The following SEC23IP variants were observed in gnomAD, a reference collection of about 807,000 sequenced individuals.
SEC23IP encodes SEC23 interacting protein.
SEC23IP carries 70 observed loss-of-function variants against 113.4 expected under a neutral mutation model. The ratio of observed to expected loss-of-function variants is 0.62; its 90% CI spans 0.51 to 0.75. SEC23IP has a LOEUF of 0.75. SEC23IP is among the 30% of genes least tolerant of loss of function. The pLI, the probability that SEC23IP is intolerant of heterozygous loss-of-function variation, is 0.00. For synonymous variants in SEC23IP, 398 were observed against 421.0 expected, an observed-to-expected ratio of 0.95 and a Z score of 0.67; for missense variants, 1,160 against 1,204.9, an observed-to-expected ratio of 0.96 and a Z score of 0.55.
At position 119,902,936 on chromosome 10, in the gene SEC23IP, G is replaced by C; in HGVS notation, c.834G>C (p.Glu278Asp). 2 of 1,614,178 alleles carry C rather than the reference G, an allele frequency of 1.2e-6. No homozygotes were observed. Among genetic ancestry groups the C allele is most frequent in the Non-Finnish European group, 1.7e-6 (2 of 1,180,030 alleles). Residue 278 changes from glutamate (E) to aspartate (D), a missense_variant, in exon 3 of 19, where the codon GAG (glutamate) becomes GAC (aspartate). Coordinates refer to ENST00000369075, the MANE Select transcript of SEC23IP (RefSeq NM_007190.4). ...PVQPHWFYCK[E>D]VEYKQLWMPF... Reference sequence around the variant, plus strand: ...AGCCCCACTGGTTTTACTGCAAGGAGGTAGAATACAAACAACTGTGGATGC... The same window carrying C: ...AGCCCCACTGGTTTTACTGCAAGGACGTAGAATACAAACAACTGTGGATGC...
chr10:119,918,493 A>G lies in SEC23IP; in HGVS notation c.1854A>G (p.Leu618=), dbSNP rs1371238410. Residue 618 remains leucine (L), a synonymous_variant, in exon 10 of 19, where the codon CTA becomes CTG. Transcript: ENST00000369075. ...TTGCTAATGGAGTTGTGAAGCAGCT[A>G]CATTTTCAGGAAAAGCAGGTACGTC... The part of the protein sequence containing the change: ...LAVANGVVKQ[L]HFQEKQMPEE... 1.9e-6 allele frequency: 3 copies of G among 1,610,254 alleles called. No homozygotes were observed. The highest frequency in any genetic ancestry group is 2.6e-6 in the Non-Finnish European group (3 of 1,176,448).
At chr10:119,919,813 A>G (rs989004277) in intron 11 of SEC23IP, among the ~76,000 whole-genome samples, 2 of 152,338 alleles carry the variant, frequency 1.3e-5, no homozygotes, top group African/African-American at 2.4e-5. Context: ...AAAAAATTGT[A>G]TAACAGTAGA....
chr10:119,894,088 C>T (rs540040295), intron 1 of SEC23IP, among the ~76,000 whole-genome samples: 1 of 152,308 alleles, frequency 6.6e-6, no homozygotes, highest in South Asian at 2.1e-4. Flanking sequence ...GTATGTGTAG[C>T]CTCACAGAAT....
At chr10:119,902,154 C>T (rs112551583) in intron 2 of SEC23IP, among the ~76,000 whole-genome samples, 1,651 of 152,166 alleles carry the variant, frequency 0.011, 29 homozygotes, top group African/African-American at 0.034. Flanking sequence ...GTTGGGAGTT[C>T]GCAACCAGCC....
chr10:119,923,277 C>T (rs1039975893), intron 12 of SEC23IP, among the ~76,000 whole-genome samples: 1 of 151,864 alleles, frequency 6.6e-6, no homozygotes, highest in Non-Finnish European at 1.5e-5. Flanking sequence ...GAAACTTTCT[C>T]AGCTGAGTTG....
chr10:119,936,772 T>C (rs1855801438), intron 18 of SEC23IP, among the ~76,000 whole-genome samples: 1 of 152,060 alleles, frequency 6.6e-6, no homozygotes, highest in East Asian at 1.9e-4. Flanking sequence ...GAAGTTGAGC[T>C]CTTTGGGTGT....
In SEC23IP at chr10:119,920,874, T is replaced by C; in HGVS notation, c.2026-15T>C. 1.3e-6 allele frequency: 2 copies of C among 1,541,484 alleles called. No homozygotes were observed. Among genetic ancestry groups the C allele is most frequent in the Middle Eastern group, 1.7e-4 (1 of 5,900 alleles). ...CACTAGATTGATTAATGTGCTTGTC[T>C]GTTTCCTTTTAAAGCTTATGTGTAC... On this transcript the variant is annotated splice_polypyrimidine_tract_variant and intron_variant, in intron 11 of 18. Coordinates refer to ENST00000369075, the MANE Select transcript of SEC23IP (RefSeq NM_007190.4).
intron 7 of SEC23IP, 83 bp downstream of exon 7, chr10:119,914,902 C>T: frequency 7.7e-7 from 1 of 1,296,806 alleles, no homozygotes. Context: ...TAGGATAGTT[C>T]CCAGCTGTGT....
intron 12 of SEC23IP, 70 bp from the exon 13 acceptor site, chr10:119,925,966 T>C (rs1232248871): frequency 1.6e-6 from 2 of 1,252,904 alleles, no homozygotes; most frequent in Non-Finnish European, 2.2e-6. Context: ...TGAGATAGCA[T>C]GTTTTGTAAT....
intron 6 of SEC23IP, among the ~76,000 whole-genome samples, chr10:119,912,413 G>C (rs1285588748): frequency 1.3e-5 from 2 of 152,058 alleles, no homozygotes; most frequent in Non-Finnish European, 2.9e-5. Context: ...AATTACAGGC[G>C]TGAGCCACTG....
chr10:119,911,034 AT>A (rs1854843801), intron 5 of SEC23IP, among the ~76,000 whole-genome samples: 1 of 145,832 alleles, frequency 6.9e-6, no homozygotes, highest in Admixed American at 6.8e-5. Flanking sequence ...TCAAGTATAT[AT>A]TCTTTTTTTT....
At chr10:119,923,221 G>A (rs1464210091) in intron 12 of SEC23IP, among the ~76,000 whole-genome samples, 3 of 152,002 alleles carry the variant, frequency 2.0e-5, no homozygotes, top group Non-Finnish European at 4.4e-5. Flanking sequence ...TCTATAGAGT[G>A]ATCTTATTTT....
rs1855534182 is a variant in SEC23IP at position 119,929,774 on chromosome 10, A to C, written c.2469+12A>C. On this transcript the variant is annotated intron_variant, in intron 14 of 18. Coordinates refer to ENST00000369075, the MANE Select transcript of SEC23IP (RefSeq NM_007190.4). ...ATATTTATCATCCGGTGAGTAATTG[A>C]ATTTACTTTGTTTTTTAAAATCCTT... The C allele has an allele frequency of 9.0e-6, 14 of 1,548,134 alleles. No individual in the cohort carries two copies. Among genetic ancestry groups the C allele is most frequent in the Non-Finnish European group, 1.2e-5 (14 of 1,139,490 alleles).
chr10:119,904,346 A>G (rs1305566126), intron 4 of SEC23IP, 69 bp downstream of exon 4: 9 of 1,341,906 alleles, frequency 6.7e-6, no homozygotes, highest in South Asian at 1.2e-5. Context: ...GGTGAGTAAC[A>G]TCATTCACAG....
intron 12 of SEC23IP, among the ~76,000 whole-genome samples, chr10:119,925,699 G>T (rs1855396803): frequency 1.3e-5 from 2 of 151,884 alleles, no homozygotes; most frequent in Non-Finnish European, 2.9e-5. Flanking sequence ...GCACTACCAG[G>T]CCTGGCTAAT....
chr10:119,898,892 C>G lies in SEC23IP; in HGVS notation c.629C>G (p.Pro210Arg). 6.2e-7 allele frequency: 1 copy of G among 1,605,560 alleles called. No individual in the cohort carries two copies. Among genetic ancestry groups the G allele is most frequent in the Non-Finnish European group, 8.5e-7 (1 of 1,179,880 alleles). ...CAGCAGTGCCAAACACCAGGCCCTC[C>G]TGCTCATCCTCCACCTTCTGGACCC... ...QLQQCQTPGP[P>R]AHPPPSGPPV... Residue 210 changes from proline to arginine, a missense_variant, in exon 2 of 19, where the codon CCT (proline) becomes CGT (arginine). Transcript: ENST00000369075.
intron 13 of SEC23IP, among the ~76,000 whole-genome samples, chr10:119,927,490 A>T (rs1564922021): frequency 6.6e-6 from 1 of 152,108 alleles, no homozygotes; most frequent in Non-Finnish European, 1.5e-5. Context: ...TGGCAGTTAT[A>T]GGTTTATAGA....
chr10:119,919,748 T>G (rs1305517437), intron 11 of SEC23IP, 152 bp downstream of exon 11: 6 of 697,088 alleles, frequency 8.6e-6, no homozygotes, highest in Non-Finnish European at 1.3e-5. Context: ...GAATATTTTT[T>G]TATAATCTGA....
intron 10 of SEC23IP, among the ~76,000 whole-genome samples, chr10:119,918,770 A>AATATAATATAT (rs1564916803): frequency 1.3e-5 from 2 of 152,140 alleles, no homozygotes; most frequent in South Asian, 2.1e-4. Context: ...TATAGGCCCA[A>AATATAATATAT]ATATAATAGC....
Sources: allele counts gnomAD v4.1 joint callset (sites outside exome capture counted in the v4.1 genomes callset), GRCh38; gene constraint gnomAD v4.1.1; transcripts MANE v1.5; gene names NCBI Gene and HGNC (gene_info 2026-07-23, HGNC 2026-07-21).